UGT1A4: variants seen among roughly 807,000 people sequenced by gnomAD.
The protein encoded by UGT1A4 is UDP glucuronosyltransferase family 1 member A4.
Under a neutral mutation model 41.1 loss-of-function variants are expected in UGT1A4, and 32 were observed. That is an observed-to-expected ratio of 0.78 (90% CI 0.59 to 1.05). The LOEUF (loss-of-function observed/expected upper bound fraction) is 1.05, where lower values mean the gene tolerates loss of function less well. Ranked by LOEUF, UGT1A4 falls within the 50% of genes least tolerant of loss-of-function variation. The probability of loss-of-function intolerance (pLI) is 0.00; values close to 1 mark genes in which losing one functional copy is unlikely to be tolerated. For synonymous variants in UGT1A4, 283 were observed against 265.1 expected (o/e 1.07, Z -0.66); for missense variants, 748 against 677.4 (o/e 1.10, Z -1.16).
intron 1 of UGT1A4, chr2:233,747,103 T>G: frequency 7.3e-7 from 1 of 1,362,910 alleles, no homozygotes. Context: ...TATCTTCCAA[T>G]TACATGATGA....
intron 1 of UGT1A4, among the ~76,000 whole-genome samples, chr2:233,720,963 G>A (rs547406331): frequency 4.6e-4 from 69 of 150,328 alleles, no homozygotes; most frequent in African/African-American, 7.4e-4. Flanking sequence ...TGCCCGCCTC[G>A]GCCTCCCAAA....
intron 1 of UGT1A4, chr2:233,760,695 C>T: frequency 1.9e-6 from 3 of 1,614,208 alleles, no homozygotes; most frequent in Non-Finnish European, 2.5e-6. Context: ...ACAAGGAGCT[C>T]ATGGCCTCCC....
chr2:233,724,281 C>T (rs1325936815), intron 1 of UGT1A4, among the ~76,000 whole-genome samples: 26 of 111,902 alleles, frequency 2.3e-4, no homozygotes, highest in Non-Finnish European at 2.0e-4. Flanking sequence ...GCTGGCCGGG[C>T]GGGGGGCTGA....
At chr2:233,756,429 T>C (rs2125943260) in intron 1 of UGT1A4, 1 of 152,364 alleles carries the variant, frequency 6.6e-6, no homozygotes, top group South Asian at 2.1e-4. Context: ...ACTGTTTTTT[T>C]TTCATTGTTG....
intron 1 of UGT1A4, among the ~76,000 whole-genome samples, chr2:233,745,501 T>A (rs1359317730): frequency 1.3e-5 from 2 of 151,666 alleles, no homozygotes; most frequent in Non-Finnish European, 2.9e-5. Flanking sequence ...TAAGATTTCC[T>A]ATAGGGTATT....
At chr2:233,736,896 C>A (rs1212789655) in intron 1 of UGT1A4, among the ~76,000 whole-genome samples, 1 of 152,186 alleles carries the variant, frequency 6.6e-6, no homozygotes, top group African/African-American at 2.4e-5. Context: ...GCTGCCTGAT[C>A]CTTCCTCTGG....
intron 1 of UGT1A4, among the ~76,000 whole-genome samples, chr2:233,722,899 G>T (rs1015320069): frequency 7.8e-6 from 1 of 128,092 alleles, no homozygotes; most frequent in South Asian, 3.1e-4. Flanking sequence ...AGTGGAAGTG[G>T]ATCATCATAA....
intron 1 of UGT1A4, among the ~76,000 whole-genome samples, chr2:233,745,902 G>A (rs961529996): frequency 3.3e-5 from 5 of 151,560 alleles, no homozygotes; most frequent in Non-Finnish European, 7.4e-5. Flanking sequence ...CGTTTTTCAG[G>A]GAGCAGCTGA....
At chr2:233,748,098 A>G (rs1489577021) in intron 1 of UGT1A4, 1 of 1,612,584 alleles carries the variant, frequency 6.2e-7, no homozygotes, top group African/African-American at 1.3e-5. Flanking sequence ...TCGTGCCTTC[A>G]TCCAATCAAT....
chr2:233,760,934 C>A (rs907848517), intron 1 of UGT1A4: 10 of 1,614,178 alleles, frequency 6.2e-6, no homozygotes, highest in Non-Finnish European at 8.5e-6. Flanking sequence ...ATGCTCATTG[C>A]CTTTTCACAG....
chr2:233,767,223 A>G (rs1699340574), intron 2 of UGT1A4, 58 bp downstream of exon 2: 3 of 1,610,856 alleles, frequency 1.9e-6, no homozygotes, highest in South Asian at 1.1e-5. Flanking sequence ...CTAATCCCAG[A>G]CTTCCAGCTT....
chr2:233,743,928 A>G, intron 1 of UGT1A4: 1 of 1,360,462 alleles, frequency 7.4e-7, no homozygotes. Context: ...CTGGATGGCC[A>G]GAACGGCCCA....
chr2:233,736,858 C>G (rs2078820819), intron 1 of UGT1A4, among the ~76,000 whole-genome samples: 1 of 152,192 alleles, frequency 6.6e-6, no homozygotes, highest in South Asian at 2.1e-4. Flanking sequence ...GGCTGCAGAA[C>G]AGCAAATATT....
intron 1 of UGT1A4, chr2:233,722,151 A>G (rs1415241636): frequency 2.5e-5 from 4 of 162,020 alleles, no homozygotes; most frequent in African/African-American, 9.6e-5. Flanking sequence ...CTGCAGGACA[A>G]GATGTGTCAC....
intron 1 of UGT1A4, among the ~76,000 whole-genome samples, chr2:233,722,586 G>A (rs1347129726): frequency 6.6e-6 from 1 of 152,110 alleles, no homozygotes; most frequent in Non-Finnish European, 1.5e-5. Flanking sequence ...CTTCGTTAGA[G>A]GACTATTACA....
At chr2:233,736,701 G>T (rs1378628991) in intron 1 of UGT1A4, among the ~76,000 whole-genome samples, 1 of 152,172 alleles carries the variant, frequency 6.6e-6, no homozygotes, top group Non-Finnish European at 1.5e-5. Context: ...ATGGGGTTTT[G>T]GTGTAGATGT....
rs1285354199 is a variant in UGT1A4 at position 233,768,247 on chromosome 2, C to T, written c.1115C>T (p.Thr372Ile). The part of the protein sequence containing the change: ...LGHPMTRAFI[T>I]HAGSHGVYES... ...CACCCGATGACCCGTGCCTTTATCA[C>T]CCATGCTGGTTCCCATGGTGTTTAT... Residue 372 changes from threonine to isoleucine, a missense_variant, in exon 4 of 5, where the codon ACC (threonine) becomes ATC (isoleucine). By Grantham distance (89) the Thr-to-Ile change is moderately conservative (BLOSUM62 -1). Coordinates refer to ENST00000373409, the MANE Select transcript of UGT1A4 (RefSeq NM_007120.3). 4 of 1,614,056 alleles carry T rather than the reference C, an allele frequency of 2.5e-6. No individual in the cohort carries two copies. Among genetic ancestry groups the T allele is most frequent in the Non-Finnish European group, 3.4e-6 (4 of 1,180,046 alleles).
At chr2:233,757,444 G>A (rs1344287126) in intron 1 of UGT1A4, among the ~76,000 whole-genome samples, 1 of 150,698 alleles carries the variant, frequency 6.6e-6, no homozygotes, top group Non-Finnish European at 1.5e-5. Context: ...CTTCTATACA[G>A]AAACATGTCC....
chr2:233,729,991 C>G, intron 1 of UGT1A4: 2 of 1,614,020 alleles, frequency 1.2e-6, no homozygotes, highest in Non-Finnish European at 1.7e-6. Flanking sequence ...GCCACTATCT[C>G]AGGTCTGTAT....
Sources: allele counts gnomAD v4.1 joint callset (sites outside exome capture counted in the v4.1 genomes callset), GRCh38; gene constraint gnomAD v4.1.1; transcripts MANE v1.5; gene names NCBI Gene and HGNC (gene_info 2026-07-23, HGNC 2026-07-21).